The following PRKG1 variants were observed in gnomAD, a reference collection of about 807,000 sequenced individuals.
The protein encoded by PRKG1 is cGMP-dependent protein kinase 1.
PRKG1 carries 35 observed loss-of-function variants against 88.1 expected under a neutral mutation model. The observed-to-expected ratio is 0.40, with a 90% CI of 0.30 to 0.53. The LOEUF is 0.53. PRKG1 is among the 20% of genes least tolerant of loss of function. PRKG1 has a pLI of 0.59. For synonymous variants in PRKG1, 303 were observed against 292.5 expected, an observed-to-expected ratio of 1.04 and a Z score of -0.37; for missense variants, 540 against 839.8, an observed-to-expected ratio of 0.64 and a Z score of 4.41.
At chr10:51,135,014 A>T (rs1845655292) in intron 1 of PRKG1, among the ~76,000 whole-genome samples, 1 of 152,200 alleles carries the variant, frequency 6.6e-6, no homozygotes, top group Admixed American at 6.5e-5. Context: ...TTCTCATCAG[A>T]CATTCATTCC....
At chr10:51,429,851 G>A (rs1375231993) in intron 2 of PRKG1, among the ~76,000 whole-genome samples, 2 of 151,456 alleles carry the variant, frequency 1.3e-5, no homozygotes, top group African/African-American at 4.8e-5. Context: ...ACAAGAAAAT[G>A]AAGAGAGTCT....
intron 1 of PRKG1, among the ~76,000 whole-genome samples, chr10:51,010,799 A>G (rs1429709740): frequency 6.6e-6 from 1 of 152,208 alleles, no homozygotes; most frequent in Non-Finnish European, 1.5e-5. Flanking sequence ...AAAGTGATGA[A>G]CATCTCTCTG....
chr10:51,731,049 G>C (rs939541900), intron 3 of PRKG1, among the ~76,000 whole-genome samples: 1 of 151,952 alleles, frequency 6.6e-6, no homozygotes, highest in Non-Finnish European at 1.5e-5. Context: ...CCAGCTACTC[G>C]GGAGGCTGAG....
At chr10:51,985,469 TA>T (rs994106226) in intron 5 of PRKG1, among the ~76,000 whole-genome samples, 28 of 152,260 alleles carry the variant, frequency 1.8e-4, no homozygotes, top group African/African-American at 6.5e-4. Context: ...TTTGCAATGC[TA>T]AAAAAATGTA....
In PRKG1 at chr10:51,362,605, A is replaced by G. The variant is rs559941965; in HGVS notation, c.479-105118A>G. On this transcript the variant is annotated intron_variant, in intron 2 of 17. Coordinates refer to ENST00000373980, the MANE Select transcript of PRKG1 (RefSeq NM_006258.4). ...GCTTTGATTTTAAATTATACTTTTAAGGAAAAACATTGAAACTGTATTTTT... is the reference window on the plus strand; with the variant it reads ...GCTTTGATTTTAAATTATACTTTTAGGGAAAAACATTGAAACTGTATTTTT... Among the ~76,000 whole-genome samples, 3 of 152,024 alleles carry G rather than the reference A, an allele frequency of 2.0e-5. No individual in the cohort carries two copies. The East Asian group carries it at 5.8e-4, about 30-fold the overall frequency.
At chr10:51,283,192 A>C (rs574676701) in intron 2 of PRKG1, among the ~76,000 whole-genome samples, 1 of 152,236 alleles carries the variant, frequency 6.6e-6, no homozygotes, top group Admixed American at 6.6e-5. Context: ...AAACAAGGAA[A>C]ATCGTGGAGA....
intron 9 of PRKG1, among the ~76,000 whole-genome samples, chr10:52,171,526 T>C (rs1026739765): frequency 6.6e-6 from 1 of 152,146 alleles, no homozygotes; most frequent in Non-Finnish European, 1.5e-5. Context: ...TGAACTAATA[T>C]GCTGGCTTTC....
intron 3 of PRKG1, among the ~76,000 whole-genome samples, chr10:51,601,002 A>G (rs1838583741): frequency 7.2e-6 from 1 of 139,364 alleles, no homozygotes; most frequent in Non-Finnish European, 1.5e-5. Context: ...CAGCAGGGGG[A>G]GGGGGAAAAG....
At chr10:52,094,013 G>T (rs1847117055) in intron 7 of PRKG1, among the ~76,000 whole-genome samples, 1 of 152,096 alleles carries the variant, frequency 6.6e-6, no homozygotes, top group Admixed American at 6.6e-5. Context: ...CAGACAAATT[G>T]GAGAGTTGTT....
chr10:51,081,907 G>A (rs1844120942), intron 1 of PRKG1, among the ~76,000 whole-genome samples: 1 of 152,136 alleles, frequency 6.6e-6, no homozygotes, highest in African/African-American at 2.4e-5. Context: ...TAGGCACATA[G>A]CACCACACCT....
At chr10:51,604,057 C>T (rs1439677549) in intron 3 of PRKG1, among the ~76,000 whole-genome samples, 2 of 146,966 alleles carry the variant, frequency 1.4e-5, no homozygotes, top group African/African-American at 5.0e-5. Context: ...GTCATCATAT[C>T]TGTACAGGAT....
In PRKG1 at chr10:51,549,120, C is replaced by CTTTTTTTTTTTTTTTTT. The variant is rs56045527; in HGVS notation, c.592+81289_592+81305dup. ...TTCTTTCCTTTCTTTCTTTTCTTTT[C>CTTTTTTTTTTTTTTTTT]TTTTTTTTTTTTTTTTTTTTTGAGA... is the stretch of plus-strand genomic sequence containing the variant. On this transcript the variant is annotated intron_variant, in intron 3 of 17. Transcript: ENST00000373980. Among the ~76,000 whole-genome samples, 121 of 70,330 alleles carry CTTTTTTTTTTTTTTTTT rather than the reference C, an allele frequency of 1.7e-3. 14 individuals are homozygous for CTTTTTTTTTTTTTTTTT. Among genetic ancestry groups the CTTTTTTTTTTTTTTTTT allele is most frequent in the African/African-American group, 4.3e-3 (76 of 17,872 alleles). The allele number at this position is 70,330 out of a possible 152,430, so 46.1% of individuals were successfully genotyped here. A position where few individuals can be genotyped will look rare whatever the true frequency, so the allele number is the denominator to read the frequency against.
At chr10:51,986,858 G>GA (rs1247972220) in intron 5 of PRKG1, among the ~76,000 whole-genome samples, 4 of 152,036 alleles carry the variant, frequency 2.6e-5, no homozygotes, top group African/African-American at 7.2e-5. Flanking sequence ...GAAGGAACAG[G>GA]AAAAAATACG....
At chr10:51,456,868 A>G (rs1405914232) in intron 2 of PRKG1, among the ~76,000 whole-genome samples, 2 of 152,246 alleles carry the variant, frequency 1.3e-5, no homozygotes, top group Non-Finnish European at 2.9e-5. Context: ...GGAAATGCAA[A>G]TGAAAACCAC....
intron 4 of PRKG1, among the ~76,000 whole-genome samples, chr10:51,834,567 A>G (rs7087122): frequency 0.019 from 2,905 of 151,824 alleles, 65 homozygotes; most frequent in East Asian, 0.11. Flanking sequence ...TTTGAGCCCC[A>G]GAGATTGAGG....
At chr10:51,631,680 G>T (rs1589146788) in intron 3 of PRKG1, among the ~76,000 whole-genome samples, 1 of 152,186 alleles carries the variant, frequency 6.6e-6, no homozygotes, top group East Asian at 1.9e-4. Context: ...TTCTCATAAG[G>T]AGCATGCAAC....
chr10:51,812,022 T>C (rs1448510432), intron 4 of PRKG1, among the ~76,000 whole-genome samples: 1 of 152,248 alleles, frequency 6.6e-6, no homozygotes, highest in Non-Finnish European at 1.5e-5. Flanking sequence ...GTTTAAATCC[T>C]GGTTTCACCA....
At chr10:51,348,006 T>C (rs1309045742) in intron 2 of PRKG1, among the ~76,000 whole-genome samples, 1 of 151,990 alleles carries the variant, frequency 6.6e-6, no homozygotes, top group Non-Finnish European at 1.5e-5. Flanking sequence ...GAGCTTGCAG[T>C]GAGCCGAGAT....
chr10:51,441,255 A>G (rs1352959288), intron 2 of PRKG1, among the ~76,000 whole-genome samples: 1 of 151,992 alleles, frequency 6.6e-6, no homozygotes, highest in Non-Finnish European at 1.5e-5. Flanking sequence ...ATGTTTAGTC[A>G]GTTTTGCTCT....
Sources: gnomAD v4.1 joint callset for allele counts (sites outside exome capture counted in the v4.1 genomes callset) on GRCh38, gnomAD v4.1.1 for gene constraint, MANE v1.5 for transcripts, NCBI Gene and HGNC (gene_info 2026-07-23, HGNC 2026-07-21) for gene names.